IQUB: variants seen among roughly 807,000 people sequenced by gnomAD.
The protein encoded by IQUB is IQ motif and ubiquitin-like domain-containing protein.
IQUB carries 86 observed loss-of-function variants against 86.4 expected under a neutral mutation model. The observed-to-expected ratio is 1.00, with a 90% CI of 0.84 to 1.19. The LOEUF (loss-of-function observed/expected upper bound fraction) is 1.19, where lower values mean the gene tolerates loss of function less well. Among genes scored for constraint, IQUB ranks in the 50% most tolerant of loss-of-function variants. IQUB has a pLI of 0.00. For missense variants in IQUB, 946 were observed against 916.9 expected, an observed-to-expected ratio of 1.03 and a Z score of -0.41; for synonymous variants, 289 against 304.5, an observed-to-expected ratio of 0.95 and a Z score of 0.53.
intron 1 of IQUB, among the ~76,000 whole-genome samples, chr7:123,516,525 T>C (rs1796644167): frequency 6.6e-6 from 1 of 152,176 alleles, no homozygotes; most frequent in Non-Finnish European, 1.5e-5. Flanking sequence ...GTACTCTATA[T>C]GTTGACAGAA....
At chr7:123,492,746 C>G (rs1049868415) in intron 7 of IQUB, among the ~76,000 whole-genome samples, 1 of 152,118 alleles carries the variant, frequency 6.6e-6, no homozygotes, top group Non-Finnish European at 1.5e-5. Flanking sequence ...TCACCCCACT[C>G]TCCAGGCCTC....
chr7:123,470,714 G>T (rs1439502385), intron 8 of IQUB, among the ~76,000 whole-genome samples: 1 of 152,040 alleles, frequency 6.6e-6, no homozygotes, highest in East Asian at 1.9e-4. Context: ...AGCCGGGCGT[G>T]GTGACGGACA....
At chr7:123,458,311 A>G (rs1793813700) in intron 11 of IQUB, among the ~76,000 whole-genome samples, 2 of 152,032 alleles carry the variant, frequency 1.3e-5, no homozygotes, top group Non-Finnish European at 2.9e-5. Context: ...AAGTATAAGC[A>G]TGTAAAAAGA....
At chr7:123,522,434 TAC>T (rs546006535) in intron 1 of IQUB, among the ~76,000 whole-genome samples, 26 of 152,358 alleles carry the variant, frequency 1.7e-4, no homozygotes, top group Admixed American at 4.6e-4. Flanking sequence ...GACTTTGAGA[TAC>T]AGAGGTTTCT....
chr7:123,521,656 A>ACACACACC (rs1274473145), intron 1 of IQUB, among the ~76,000 whole-genome samples: 97 of 146,650 alleles, frequency 6.6e-4, no homozygotes, highest in Non-Finnish European at 7.1e-4. Context: ...AAATAAACAC[A>ACACACACC]CACACACACA....
chr7:123,491,688 G>C (rs1795472946), intron 7 of IQUB, among the ~76,000 whole-genome samples: 1 of 152,132 alleles, frequency 6.6e-6, no homozygotes, highest in South Asian at 2.1e-4. Context: ...TGAATTTATA[G>C]TTTAAACCTT....
At chr7:123,465,891 C>G (rs1368275732) in intron 9 of IQUB, among the ~76,000 whole-genome samples, 4 of 151,952 alleles carry the variant, frequency 2.6e-5, no homozygotes, top group Non-Finnish European at 4.4e-5. Flanking sequence ...GTATTATACT[C>G]ATTTATGCTC....
At chr7:123,483,134 T>C (rs769375497) in intron 7 of IQUB, among the ~76,000 whole-genome samples, 4 of 152,124 alleles carry the variant, frequency 2.6e-5, no homozygotes, top group Non-Finnish European at 5.9e-5. Flanking sequence ...GAATAAATTC[T>C]GTCCTTGCAC....
At chr7:123,527,196 T>C (rs1160586561) in intron 1 of IQUB, among the ~76,000 whole-genome samples, 1 of 152,226 alleles carries the variant, frequency 6.6e-6, no homozygotes, top group Non-Finnish European at 1.5e-5. Flanking sequence ...CTTTATTGGT[T>C]ATTGTAGTTA....
At chr7:123,519,628 G>A (rs1387117746) in intron 1 of IQUB, among the ~76,000 whole-genome samples, 1 of 152,144 alleles carries the variant, frequency 6.6e-6, no homozygotes, top group African/African-American at 2.4e-5. Context: ...GTAGAATGAT[G>A]GTTACCAGAA....
At chr7:123,470,327 T>G (rs1021861270) in intron 8 of IQUB, among the ~76,000 whole-genome samples, 3 of 152,188 alleles carry the variant, frequency 2.0e-5, no homozygotes, top group African/African-American at 7.2e-5. Flanking sequence ...TGATAATTTT[T>G]CAGAAACAAG....
In IQUB at chr7:123,460,558, G is replaced by A. The variant is rs151263037; in HGVS notation, c.2007+799C>T. On this transcript the variant is annotated intron_variant, in intron 11 of 12. Transcript: ENST00000324698. ...GTCTGTGAACACAAATATCATTAAT[G>A]AGGTCAATTGTGCTCTATAATATAC... Among the ~76,000 whole-genome samples the A allele has an allele frequency of 4.7e-3, 715 of 151,920 alleles. 4 individuals are homozygous for A. Among genetic ancestry groups the A allele is most frequent in the Non-Finnish European group, 8.0e-3 (544 of 67,866 alleles).
chr7:123,527,129 C>G (rs1428163253), intron 1 of IQUB, among the ~76,000 whole-genome samples: 2 of 152,186 alleles, frequency 1.3e-5, no homozygotes, highest in African/African-American at 4.8e-5. Flanking sequence ...CTTCTGCATT[C>G]TTCACGTAGT....
In IQUB at chr7:123,503,211, C is replaced by G. The variant is rs1421533458; in HGVS notation, c.685G>C (p.Val229Leu). ...ACATCAAATAACGAACCAGTTTGGA[C>G]AGTGACAGTTATGATTTGAGAGACA... ...TDVSQIITVTVQTGLDQYQQV... is the reference protein window; with the variant it reads ...TDVSQIITVTLQTGLDQYQQV... The change falls in exon 4 of 13, where the codon GTC (valine) becomes CTC (leucine). Residue 229 changes from valine (V) to leucine (L), a missense_variant. Val to Leu is a conservative substitution (Grantham distance 32). Transcript: ENST00000324698. The G allele has an allele frequency of 2.5e-6, 4 of 1,611,442 alleles. No homozygotes were observed. The highest frequency in any genetic ancestry group is 3.4e-6 in the Non-Finnish European group (4 of 1,178,852).
chr7:123,515,711 C>G (rs1267488040), intron 1 of IQUB, among the ~76,000 whole-genome samples: 2 of 152,154 alleles, frequency 1.3e-5, no homozygotes, highest in African/African-American at 4.8e-5. Context: ...CACTACATAC[C>G]TATTAGAATA....
chr7:123,478,320 G>C (rs1415352761), intron 8 of IQUB, among the ~76,000 whole-genome samples: 1 of 151,998 alleles, frequency 6.6e-6, no homozygotes, highest in African/African-American at 2.4e-5. Flanking sequence ...ACTACCACAA[G>C]GACAAAAAAC....
intron 1 of IQUB, among the ~76,000 whole-genome samples, chr7:123,521,134 GAC>G (rs1273513165): frequency 6.6e-6 from 1 of 152,236 alleles, no homozygotes; most frequent in East Asian, 1.9e-4. Context: ...AAAGCCATGA[GAC>G]ATGTGAAATC....
At chr7:123,472,334 A>G (rs117677620) in intron 8 of IQUB, among the ~76,000 whole-genome samples, 1,910 of 152,282 alleles carry the variant, frequency 0.013, 20 homozygotes, top group Non-Finnish European at 0.021. Flanking sequence ...AGTGTCTACA[A>G]TACTCTTTCA....
At chr7:123,520,307 G>T (rs1796844509) in intron 1 of IQUB, among the ~76,000 whole-genome samples, 1 of 151,996 alleles carries the variant, frequency 6.6e-6, no homozygotes, top group African/African-American at 2.4e-5. Flanking sequence ...TTTAAAAAAA[G>T]CTTATATTCT....
Sources: gnomAD v4.1 joint callset for allele counts (sites outside exome capture counted in the v4.1 genomes callset) on GRCh38, gnomAD v4.1.1 for gene constraint, MANE v1.5 for transcripts, NCBI Gene and HGNC (gene_info 2026-07-23, HGNC 2026-07-21) for gene names.